Variants in RBFOX2 observed in about 807,000 individuals in gnomAD.
The protein encoded by RBFOX2 is RNA binding protein fox-1 homolog 2.
Under a neutral mutation model 49.1 loss-of-function variants are expected in RBFOX2, and 10 were observed. The observed-to-expected ratio is 0.20, with a 90% CI of 0.13 to 0.35. The LOEUF is 0.35. Ranked by LOEUF, RBFOX2 falls within the 10% of genes least tolerant of loss-of-function variation. The probability of loss-of-function intolerance (pLI) is 1.00; values close to 1 mark genes in which losing one functional copy is unlikely to be tolerated. For synonymous variants in RBFOX2, 183 were observed against 187.4 expected, an observed-to-expected ratio of 0.98 and a Z score of 0.19; for missense variants, 323 against 486.9, an observed-to-expected ratio of 0.66 and a Z score of 3.17.
chr22:36,026,466 C>T (rs1360663102), intron 1 of RBFOX2, among the ~76,000 whole-genome samples: 3 of 151,714 alleles, frequency 2.0e-5, no homozygotes, highest in East Asian at 3.9e-4. Context: ...AGATAATAGG[C>T]CCCAGGAGTA....
Position 35,930,649 on chromosome 22 carries a change from G to C in RBFOX2, c.-34+8198C>G, listed in dbSNP as rs145660542. On this transcript the variant is annotated intron_variant, in intron 1 of 13. Coordinates refer to the RBFOX2 transcript ENST00000359369. ...GTTCGAGATCAGCCTGGCCAACACA[G>C]AGGAACCCCATCTCTACTAAAAATA... Among the ~76,000 whole-genome samples, 734 of 151,912 alleles carry C rather than the reference G, an allele frequency of 4.8e-3. 15 individuals carry two copies. The highest frequency in any genetic ancestry group is 0.048 in the East Asian group (246 of 5,100).
chr22:35,837,067 T>G (rs1957810464), intron 1 of RBFOX2, among the ~76,000 whole-genome samples: 1 of 152,228 alleles, frequency 6.6e-6, no homozygotes, highest in Admixed American at 6.5e-5. Context: ...ATATTAGAAT[T>G]TTGTGATTAA....
At chr22:36,015,175 G>A (rs2058985267) in intron 1 of RBFOX2, among the ~76,000 whole-genome samples, 1 of 152,142 alleles carries the variant, frequency 6.6e-6, no homozygotes, top group Non-Finnish European at 1.5e-5. Flanking sequence ...ATCAAAATTT[G>A]CCAATTTATT....
intron 2 of RBFOX2, among the ~76,000 whole-genome samples, chr22:35,783,382 A>G (rs1945632236): frequency 1.3e-5 from 2 of 152,204 alleles, no homozygotes; most frequent in African/African-American, 4.8e-5. Flanking sequence ...ATGATGCCAC[A>G]CTCAAGTTTT....
chr22:35,873,926 C>G (rs980269902), intron 1 of RBFOX2, among the ~76,000 whole-genome samples: 2 of 152,120 alleles, frequency 1.3e-5, no homozygotes, highest in South Asian at 2.1e-4. Context: ...AGTGCTCCAC[C>G]CACCTCCCAG....
chr22:35,861,296 C>T (rs142695624), intron 1 of RBFOX2, among the ~76,000 whole-genome samples: 22 of 152,112 alleles, frequency 1.4e-4, no homozygotes, highest in African/African-American at 4.6e-4. Context: ...CATAAAAGAA[C>T]AATAAATTGG....
chr22:35,850,409 G>A (rs2041808097), intron 1 of RBFOX2, among the ~76,000 whole-genome samples: 1 of 152,112 alleles, frequency 6.6e-6, no homozygotes, highest in African/African-American at 2.4e-5. Context: ...CTTTAACAGA[G>A]GTTAGGACAG....
At chr22:35,784,029 C>A (rs1405200740) in intron 2 of RBFOX2, among the ~76,000 whole-genome samples, 1 of 152,206 alleles carries the variant, frequency 6.6e-6, no homozygotes, top group Non-Finnish European at 1.5e-5. Flanking sequence ...ACAGGCTGCT[C>A]AGTGACATGC....
intron 1 of RBFOX2, among the ~76,000 whole-genome samples, chr22:35,927,279 G>C (rs1315441061): frequency 2.6e-5 from 4 of 152,170 alleles, no homozygotes; most frequent in Non-Finnish European, 5.9e-5. Context: ...GCCCAAGATA[G>C]ATATTTGAAG....
At chr22:35,882,999 G>A (rs989438880) in intron 1 of RBFOX2, among the ~76,000 whole-genome samples, 4 of 152,178 alleles carry the variant, frequency 2.6e-5, no homozygotes, top group Non-Finnish European at 4.4e-5. Flanking sequence ...GGGCACAAAA[G>A]AGTCACTGAT....
At chr22:35,835,013 G>A (rs1326862185) in intron 1 of RBFOX2, among the ~76,000 whole-genome samples, 1 of 152,160 alleles carries the variant, frequency 6.6e-6, no homozygotes, top group Non-Finnish European at 1.5e-5. Flanking sequence ...CATTGTGATG[G>A]CAGAATGCAG....
chr22:35,744,328 G>T, intron 11 of RBFOX2, 79 bp from the exon 14 acceptor site: 1 of 1,355,794 alleles, frequency 7.4e-7, no homozygotes, highest in Non-Finnish European at 1.0e-6. Flanking sequence ...GTCCAGAGAG[G>T]GATCTAGAAA....
intron 1 of RBFOX2, among the ~76,000 whole-genome samples, chr22:35,960,575 A>C (rs2056088860): frequency 6.6e-6 from 1 of 152,182 alleles, no homozygotes. Context: ...ACCATCATTC[A>C]AAACACGGCC....
intron 9 of RBFOX2, 25 bp from the exon 11 acceptor site, chr22:35,756,169 A>G: frequency 6.7e-7 from 1 of 1,482,956 alleles, no homozygotes; most frequent in Non-Finnish European, 9.0e-7. Flanking sequence ...CACAAAAACA[A>G]AAACAAAAAA....
At chr22:35,781,290 C>A (rs1485908198) in intron 3 of RBFOX2, among the ~76,000 whole-genome samples, 1 of 152,160 alleles carries the variant, frequency 6.6e-6, no homozygotes, top group Non-Finnish European at 1.5e-5. Context: ...GGTATGTTTA[C>A]TGAGTTTGGT....
At chr22:35,941,694 A>G (rs2053700153), upstream of RBFOX2, among the ~76,000 whole-genome samples, 1 of 152,202 alleles carries the variant, frequency 6.6e-6, no homozygotes. Flanking sequence ...CCACATATGA[A>G]CCATATTCCA....
chr22:35,744,899 A>G (rs1179288648), intron 11 of RBFOX2, among the ~76,000 whole-genome samples: 1 of 152,206 alleles, frequency 6.6e-6, no homozygotes, highest in African/African-American at 2.4e-5. Context: ...ATCTCTTTCA[A>G]TTAGAAGTTT....
At chr22:35,974,778 G>A (rs1379659011) in intron 1 of RBFOX2, among the ~76,000 whole-genome samples, 1 of 152,070 alleles carries the variant, frequency 6.6e-6, no homozygotes, top group Non-Finnish European at 1.5e-5. Flanking sequence ...AAGGAGGCAG[G>A]GCATCCCCCC....
chr22:35,808,694 T>G (rs1951219951), intron 2 of RBFOX2, among the ~76,000 whole-genome samples: 1 of 151,658 alleles, frequency 6.6e-6, no homozygotes, highest in African/African-American at 2.4e-5. Flanking sequence ...CAAAAAAAAT[T>G]AAAAAATGAG....
Sources: allele counts gnomAD v4.1 joint callset (sites outside exome capture counted in the v4.1 genomes callset), GRCh38; gene constraint gnomAD v4.1.1; transcripts MANE v1.5; gene names NCBI Gene and HGNC (gene_info 2026-07-23, HGNC 2026-07-21).